The following RIMS2 variants were observed in gnomAD, a reference collection of about 807,000 sequenced individuals.
RIMS2 encodes regulating synaptic membrane exocytosis 2, also known as regulating synaptic membrane exocytosis protein 2.
In RIMS2, 59 loss-of-function variants were observed where a neutral mutation model predicts 174.4. The observed-to-expected ratio is 0.34, with a 90% CI of 0.27 to 0.42. The LOEUF (loss-of-function observed/expected upper bound fraction) is 0.42. Among genes scored for constraint, RIMS2 ranks in the 10% least tolerant of loss-of-function variants. The pLI, the probability that RIMS2 is intolerant of heterozygous loss-of-function variation, is 1.00. For missense variants in RIMS2, 1,620 were observed against 1,666.3 expected, an observed-to-expected ratio of 0.97 and a Z score of 0.48; for synonymous variants, 606 against 572.5, an observed-to-expected ratio of 1.06 and a Z score of -0.84.
chr8:103,910,777 T>C (rs2075519295), intron 5 of RIMS2, among the ~76,000 whole-genome samples: 1 of 152,184 alleles, frequency 6.6e-6, no homozygotes, highest in East Asian at 1.9e-4. Flanking sequence ...AAATAAAACT[T>C]AGGAACAAAG....
intron 3 of RIMS2, among the ~76,000 whole-genome samples, chr8:103,789,110 A>G (rs1009168116): frequency 2.6e-5 from 4 of 152,074 alleles, no homozygotes; most frequent in Admixed American, 2.6e-4. Flanking sequence ...AAGGGAGGCA[A>G]TGCCTCGCCC....
At chr8:103,859,138 A>C (rs1034889972) in intron 3 of RIMS2, among the ~76,000 whole-genome samples, 1 of 152,148 alleles carries the variant, frequency 6.6e-6, no homozygotes, top group Non-Finnish European at 1.5e-5. Flanking sequence ...AGCATTAAGC[A>C]TCTCATTGAA....
chr8:104,171,418 G>A (rs2098831532), intron 19 of RIMS2, among the ~76,000 whole-genome samples: 1 of 150,996 alleles, frequency 6.6e-6, no homozygotes, highest in African/African-American at 2.4e-5. Context: ...TTTTCTACTT[G>A]TTCTATTGCT....
intron 1 of RIMS2, among the ~76,000 whole-genome samples, chr8:103,664,169 A>G (rs763910408): frequency 8.5e-5 from 13 of 152,278 alleles, no homozygotes; most frequent in Non-Finnish European, 2.9e-5. Context: ...CTAATACCAT[A>G]AAAACCCTAG....
chr8:103,927,878 C>T (rs2079082378), exon 11 of RIMS2: 5 of 1,607,746 alleles, frequency 3.1e-6, no homozygotes, highest in Non-Finnish European at 4.3e-6. Context: ...GCCTTTTGTT[C>T]CTAGGGTTCA....
chr8:104,079,092 C>CA (rs536848677), intron 19 of RIMS2, among the ~76,000 whole-genome samples: 25 of 143,544 alleles, frequency 1.7e-4, no homozygotes, highest in African/African-American at 4.1e-4. Flanking sequence ...CAGTATTATG[C>CA]AAAAAAAAAA....
At chr8:103,836,556 A>AC (rs1295872702) in intron 3 of RIMS2, among the ~76,000 whole-genome samples, 1 of 152,030 alleles carries the variant, frequency 6.6e-6, no homozygotes, top group African/African-American at 2.4e-5. Flanking sequence ...GCAGACTGAG[A>AC]CCCCATCTCT....
chr8:103,620,262 C>A (rs1348191782), intron 1 of RIMS2, among the ~76,000 whole-genome samples: 1 of 152,048 alleles, frequency 6.6e-6, no homozygotes, highest in African/African-American at 2.4e-5. Context: ...AAAGATGTTC[C>A]TTCACTGCTA....
intron 1 of RIMS2, among the ~76,000 whole-genome samples, chr8:103,633,474 T>A (rs2095996694): frequency 1.3e-5 from 2 of 152,158 alleles, no homozygotes; most frequent in South Asian, 4.1e-4. Flanking sequence ...ATCATGTTCA[T>A]CAACAATTTT....
At chr8:103,845,387 T>C (rs2154489785) in intron 3 of RIMS2, among the ~76,000 whole-genome samples, 1 of 152,258 alleles carries the variant, frequency 6.6e-6, no homozygotes, top group South Asian at 2.1e-4. Flanking sequence ...CTACCTGTTA[T>C]TACTAGTGAA....
intron 3 of RIMS2, among the ~76,000 whole-genome samples, chr8:103,842,467 A>G (rs1184581280): frequency 6.6e-6 from 1 of 151,888 alleles, no homozygotes; most frequent in Non-Finnish European, 1.5e-5. Flanking sequence ...CACTAAGTAA[A>G]TAATAACTTA....
intron 19 of RIMS2, among the ~76,000 whole-genome samples, chr8:104,225,333 A>C (rs1029540212): frequency 6.6e-6 from 1 of 152,206 alleles, no homozygotes. Flanking sequence ...CTATTCATTC[A>C]GCTCCCAAGC....
intron 19 of RIMS2, among the ~76,000 whole-genome samples, chr8:104,060,187 A>T (rs2154560233): frequency 1.3e-5 from 2 of 151,728 alleles, no homozygotes; most frequent in East Asian, 3.9e-4. Flanking sequence ...TCGGCTGTGA[A>T]TCCATCTGGT....
intron 4 of RIMS2, among the ~76,000 whole-genome samples, chr8:103,902,216 A>G (rs910352741): frequency 2.6e-5 from 4 of 152,158 alleles, no homozygotes; most frequent in African/African-American, 7.2e-5. Context: ...CAGTTCCTAA[A>G]GGCTGCCTGC....
At chr8:103,892,964 A>G (rs1040011010) in intron 4 of RIMS2, among the ~76,000 whole-genome samples, 1 of 151,840 alleles carries the variant, frequency 6.6e-6, no homozygotes, top group Non-Finnish European at 1.5e-5. Flanking sequence ...TATTATTATT[A>G]TATTATTATT....
chr8:104,049,167 A>T (rs1237186107), intron 19 of RIMS2, among the ~76,000 whole-genome samples: 2 of 150,660 alleles, frequency 1.3e-5, no homozygotes, highest in Non-Finnish European at 2.9e-5. Flanking sequence ...TCACGCCTGT[A>T]TTCCCAACAC....
intron 1 of RIMS2, among the ~76,000 whole-genome samples, chr8:103,573,157 G>A (rs752731540): frequency 6.6e-5 from 10 of 152,012 alleles, no homozygotes; most frequent in Non-Finnish European, 1.3e-4. Context: ...TCAGTTTCAA[G>A]TGGTTCTCAT....
At chr8:103,989,958 T>A (rs1384869589) in intron 17 of RIMS2, among the ~76,000 whole-genome samples, 10 of 152,172 alleles carry the variant, frequency 6.6e-5, no homozygotes, top group Non-Finnish European at 8.8e-5. Context: ...GTTTGCTGTA[T>A]TTGGAAGAGC....
At chr8:103,735,460 A>G (rs956585230) in intron 2 of RIMS2, among the ~76,000 whole-genome samples, 5 of 152,086 alleles carry the variant, frequency 3.3e-5, no homozygotes, top group Admixed American at 6.5e-5. Context: ...AAACATATTT[A>G]TAATTTTTAA....
Sources: gnomAD v4.1 joint callset for allele counts (sites outside exome capture counted in the v4.1 genomes callset) on GRCh38, gnomAD v4.1.1 for gene constraint, MANE v1.5 for transcripts, NCBI Gene and HGNC (gene_info 2026-07-23, HGNC 2026-07-21) for gene names.